CAMTA1: variants seen among roughly 807,000 people sequenced by gnomAD.
CAMTA1 encodes calmodulin binding transcription activator 1, also known as calmodulin-binding transcription activator 1.
A neutral mutation model predicts 170.9 loss-of-function variants in CAMTA1; 27 were observed. The ratio of observed to expected loss-of-function variants is 0.16; its 90% CI spans 0.12 to 0.22. The LOEUF is 0.22. CAMTA1 is among the 10% of genes least tolerant of loss of function. The pLI, the probability that CAMTA1 is intolerant of heterozygous loss-of-function variation, is 1.00. For missense variants in CAMTA1, 1,619 were observed against 2,217.2 expected, an observed-to-expected ratio of 0.73 and a Z score of 5.42; for synonymous variants, 833 against 891.5, an observed-to-expected ratio of 0.93 and a Z score of 1.17.
Position 7,067,963 on chromosome 1 carries a change from G to A in CAMTA1, c.235-23341G>A, listed in dbSNP as rs1368083344. On this transcript the variant is annotated intron_variant, in intron 3 of 22. Coordinates refer to ENST00000303635, the MANE Select transcript of CAMTA1 (RefSeq NM_015215.4). This position sits in a 1 kb window ranked among gnomAD's most constrained non-coding sequence, Gnocchi z 4.3. ...TTCTGTCTTCTGGACTTTGGAAAAT[G>A]TGATGGTTATGGGAGGCCGCTATGG... is the stretch of plus-strand genomic sequence containing the variant. 6.6e-6 allele frequency among the ~76,000 whole-genome samples: 1 copy of A among 152,238 alleles called. No individual in the cohort carries two copies. The highest frequency in any genetic ancestry group is 2.4e-5 in the African/African-American group (1 of 41,458).
At position 7,234,737 on chromosome 1, in the gene CAMTA1, T is replaced by G. The variant is rs934496390; in HGVS notation, c.303-14754T>G. Among the ~76,000 whole-genome samples the G allele has an allele frequency of 2.6e-5, 4 of 151,824 alleles. No homozygotes were observed. The highest frequency in any genetic ancestry group is 5.9e-5 in the Non-Finnish European group (4 of 67,986). On this transcript the variant is annotated intron_variant, in intron 4 of 22. Coordinates refer to ENST00000303635, the MANE Select transcript of CAMTA1 (RefSeq NM_015215.4). This position sits in a 1 kb window ranked among gnomAD's most constrained non-coding sequence, Gnocchi z 5.0. The stretch of plus-strand genomic sequence containing the variant: ...CAGGGACCTCCAGAGACAATTTATG[T>G]GAACAAACTGTGGCTTAACGATCTT...
intron 22 of CAMTA1, among the ~76,000 whole-genome samples, chr1:7,761,113 C>T (rs1356682442): frequency 6.6e-6 from 1 of 152,218 alleles, no homozygotes; most frequent in African/African-American, 2.4e-5. Flanking sequence ...GGAATTGAGA[C>T]TACAATGGTA....
chr1:7,165,906 G>C (rs950384683), intron 4 of CAMTA1, among the ~76,000 whole-genome samples: 3 of 152,094 alleles, frequency 2.0e-5, no homozygotes, highest in Admixed American at 2.0e-4. Context: ...AGAGAGATAG[G>C]GGTGTGTGTA....
intron 3 of CAMTA1, among the ~76,000 whole-genome samples, chr1:6,867,692 A>G (rs11120780): frequency 0.68 from 104,003 of 152,132 alleles, 35,984 homozygotes; most frequent in Admixed American, 0.76. Flanking sequence ...TAGTGTATAC[A>G]TAGCTCAAGT....
chr1:6,861,383 T>C (rs765199625), intron 3 of CAMTA1, among the ~76,000 whole-genome samples: 8 of 152,234 alleles, frequency 5.3e-5, no homozygotes, highest in African/African-American at 9.6e-5. Flanking sequence ...AAAGCAACTT[T>C]TCTTGTCACT....
At chr1:7,292,771 GA>G (rs1202159605) in intron 5 of CAMTA1, among the ~76,000 whole-genome samples, 1 of 152,196 alleles carries the variant, frequency 6.6e-6, no homozygotes, top group Admixed American at 6.5e-5. Context: ...ACCACTCAGA[GA>G]AAATGCAACC....
intron 1 of CAMTA1, among the ~76,000 whole-genome samples, chr1:6,799,319 T>G (rs1643356336): frequency 6.6e-6 from 1 of 152,204 alleles, no homozygotes; most frequent in Admixed American, 6.5e-5. Context: ...TCATCCTGTC[T>G]CAGCCTCCCA....
intron 11 of CAMTA1, among the ~76,000 whole-genome samples, chr1:7,708,770 G>C (rs2096546660): frequency 6.6e-6 from 1 of 152,128 alleles, no homozygotes; most frequent in African/African-American, 2.4e-5. Context: ...ATTACTTTGA[G>C]GAAGGTAAAG....
intron 6 of CAMTA1, among the ~76,000 whole-genome samples, chr1:7,531,715 T>C (rs1341523834): frequency 6.6e-6 from 1 of 152,226 alleles, no homozygotes; most frequent in African/African-American, 2.4e-5. Flanking sequence ...AGTCTTGAAG[T>C]TGAGCTGCCT....
At chr1:6,914,589 G>C (rs553525500) in intron 3 of CAMTA1, among the ~76,000 whole-genome samples, 2 of 152,360 alleles carry the variant, frequency 1.3e-5, no homozygotes, top group African/African-American at 2.4e-5. Flanking sequence ...CCTCCGACTA[G>C]TGGTTAGGCT....
Position 6,970,637 on chromosome 1 carries a change from C to G in CAMTA1, c.235-120667C>G, listed in dbSNP as rs867023598. Among the ~76,000 whole-genome samples, 6 of 152,028 alleles carry G rather than the reference C, an allele frequency of 3.9e-5. No homozygotes were observed. Among genetic ancestry groups the G allele is most frequent in the African/African-American group, 2.4e-5 (1 of 41,382 alleles). The stretch of plus-strand genomic sequence containing the variant: ...TGTTGGGATGGGAGAGACAAGCAGG[C>G]AATAGTTAGGAATGTGATCGATGTG... On this transcript the variant is annotated intron_variant, in intron 3 of 22. Transcript: ENST00000303635. This position sits in a 1 kb window ranked among gnomAD's most constrained non-coding sequence, Gnocchi z 4.4.
intron 3 of CAMTA1, among the ~76,000 whole-genome samples, chr1:7,080,577 C>A (rs758851963): frequency 6.6e-6 from 1 of 152,152 alleles, no homozygotes. Context: ...CTCTGTCACT[C>A]AGGCTGGAGT....
intron 6 of CAMTA1, among the ~76,000 whole-genome samples, chr1:7,471,589 C>A (rs1453336954): frequency 1.3e-5 from 2 of 152,232 alleles, no homozygotes; most frequent in Non-Finnish European, 2.9e-5. Flanking sequence ...TTTCTGAGAC[C>A]CAGCGAGAGC....
At chr1:6,807,535 A>G (rs1304029781) in intron 1 of CAMTA1, among the ~76,000 whole-genome samples, 3 of 152,096 alleles carry the variant, frequency 2.0e-5, no homozygotes, top group Admixed American at 6.5e-5. Flanking sequence ...CCTGGCTAAC[A>G]TGGTGAAACC....
chr1:7,136,896 C>G (rs770358812), intron 4 of CAMTA1, among the ~76,000 whole-genome samples: 1 of 152,188 alleles, frequency 6.6e-6, no homozygotes. Context: ...GTTTCTCTAC[C>G]CAAATGCTCC....
chr1:7,001,156 C>T (rs1033520167), intron 3 of CAMTA1, among the ~76,000 whole-genome samples: 3 of 152,212 alleles, frequency 2.0e-5, no homozygotes, highest in Admixed American at 6.5e-5. Context: ...GCACTTCTCA[C>T]CACTTCAAAA....
At position 7,532,070 on chromosome 1, in the gene CAMTA1, GCAGGGGCGGCGAATGAGTGA is replaced by G. The variant is rs1019660591; in HGVS notation, c.510+64173_510+64192del. 3.3e-5 allele frequency among the ~76,000 whole-genome samples: 5 copies of G among 152,244 alleles called. No individual in the cohort carries two copies. Among genetic ancestry groups the G allele is most frequent in the African/African-American group, 7.2e-5 (3 of 41,466 alleles). ...GTGGAAGAAAGGCAGAGAGGAAGGGGCAGGGGCGGCGAATGAGTGACAGAAAAGGAGGCAGGTGACTCCAG... is the reference window on the plus strand; with the variant it reads ...GTGGAAGAAAGGCAGAGAGGAAGGGGCAGAAAAGGAGGCAGGTGACTCCAG... On this transcript the variant is annotated intron_variant, in intron 6 of 22. Coordinates refer to ENST00000303635, the MANE Select transcript of CAMTA1 (RefSeq NM_015215.4). The surrounding 1 kb of genome is among the most constrained non-coding windows in gnomAD (Gnocchi z 4.2).
At chr1:6,951,898 C>T (rs944296023) in intron 3 of CAMTA1, among the ~76,000 whole-genome samples, 1 of 152,116 alleles carries the variant, frequency 6.6e-6, no homozygotes, top group Non-Finnish European at 1.5e-5. Flanking sequence ...ACATGCCGTG[C>T]GAACTGTGAG....
rs1328623280 is a variant in CAMTA1 at position 7,010,747 on chromosome 1, G to T, written c.235-80557G>T. 2.0e-5 allele frequency among the ~76,000 whole-genome samples: 3 copies of T among 152,084 alleles called. No homozygotes were observed. In the East Asian group the frequency reaches 5.8e-4, roughly 29 times the overall value. On this transcript the variant is annotated intron_variant, in intron 3 of 22. Transcript: ENST00000303635. This position sits in a 1 kb window ranked among gnomAD's most constrained non-coding sequence, Gnocchi z 4.4. ...CCACCCCCAGCCCCAGCCTTCCTTTGTGCCCGTTTCTGAGTAGTAAGATTT... is the reference window on the plus strand; with the variant it reads ...CCACCCCCAGCCCCAGCCTTCCTTTTTGCCCGTTTCTGAGTAGTAAGATTT...
Sources: allele counts gnomAD v4.1 joint callset (sites outside exome capture counted in the v4.1 genomes callset), GRCh38; gene constraint gnomAD v4.1.1; non-coding constraint Gnocchi (gnomAD v3.1); transcripts MANE v1.5; gene names NCBI Gene and HGNC (gene_info 2026-07-23, HGNC 2026-07-21).